WDR19: variants seen among roughly 807,000 people sequenced by gnomAD.
WDR19 encodes WD repeat-containing protein 19.
In WDR19, 121 loss-of-function variants were observed where a neutral mutation model predicts 180.0. That is an observed-to-expected ratio of 0.67 (90% confidence interval 0.58 to 0.78). The LOEUF (loss-of-function observed/expected upper bound fraction) is 0.78, where lower values mean the gene tolerates loss of function less well. Among genes scored for constraint, WDR19 ranks in the 30% least tolerant of loss-of-function variants. The pLI is 0.00. For synonymous variants in WDR19, 497 were observed against 540.7 expected, an observed-to-expected ratio of 0.92 and a Z score of 1.12; for missense variants, 1,450 against 1,640.7, an observed-to-expected ratio of 0.88 and a Z score of 2.01.
At chr4:39,247,787 G>A (rs1190782583) in intron 24 of WDR19, among the ~76,000 whole-genome samples, 1 of 152,196 alleles carries the variant, frequency 6.6e-6, no homozygotes, top group African/African-American at 2.4e-5. Context: ...AATGAAGTGT[G>A]AAGAGAAGTT....
chr4:39,201,247 C>T (rs1196048597), intron 6 of WDR19, among the ~76,000 whole-genome samples: 1 of 152,098 alleles, frequency 6.6e-6, no homozygotes, highest in African/African-American at 2.4e-5. Flanking sequence ...ACCAGGATCA[C>T]ATCTGCATTT....
intron 28 of WDR19, among the ~76,000 whole-genome samples, chr4:39,261,934 C>T (rs1258269477): frequency 9.1e-5 from 1 of 10,952 alleles, no homozygotes; most frequent in African/African-American, 1.3e-4. Context: ...AATTTTACTA[C>T]TGGATTTTTT....
intron 28 of WDR19, among the ~76,000 whole-genome samples, chr4:39,257,979 C>G (rs966105880): frequency 6.6e-6 from 1 of 151,606 alleles, no homozygotes; most frequent in Non-Finnish European, 1.5e-5. Flanking sequence ...TGTCACCCCC[C>G]AGTCAATATC....
chr4:39,246,137 G>T (rs892163595), intron 24 of WDR19, among the ~76,000 whole-genome samples: 16 of 152,182 alleles, frequency 1.1e-4, no homozygotes, highest in African/African-American at 3.6e-4. Flanking sequence ...AAGGCAACTT[G>T]TCATATTTGG....
At chr4:39,238,713 G>T (rs1347840330) in intron 20 of WDR19, among the ~76,000 whole-genome samples, 1 of 152,172 alleles carries the variant, frequency 6.6e-6, no homozygotes, top group Admixed American at 6.5e-5. Flanking sequence ...ATTAATAGAT[G>T]AGGAAAGTGA....
rs778896318 is a variant in WDR19, at chr4:39,189,691, A to G, written c.200A>G (p.Asp67Gly). Residue 67 changes from aspartate to glycine, a missense_variant, in exon 4 of 37, where the codon GAT (aspartate) becomes GGT (glycine). Transcript: ENST00000399820. Reference sequence around the variant, plus strand: ...GCCATGGATTGGGATAAAGATGGAGATGTCCTAGCAGTGATTGCTGAGAAA... The same window carrying G: ...GCCATGGATTGGGATAAAGATGGAGGTGTCCTAGCAGTGATTGCTGAGAAA... ...CVAMDWDKDGDVLAVIAEKSS... is the reference protein window; with the variant it reads ...CVAMDWDKDGGVLAVIAEKSS... The G allele has an allele frequency of 1.3e-5, 21 of 1,608,320 alleles. No homozygotes were observed. The highest frequency in any genetic ancestry group is 1.8e-5 in the Non-Finnish European group (21 of 1,177,948).
chr4:39,266,217 C>A, intron 29 of WDR19, 77 bp downstream of exon 29: 2 of 1,316,150 alleles, frequency 1.5e-6, no homozygotes, highest in African/African-American at 1.5e-5. Flanking sequence ...ACCCATCATG[C>A]TTTTACAACA....
At position 39,245,533 on chromosome 4, in the gene WDR19, A is replaced by G. The variant is rs552241656; in HGVS notation, c.2729+81A>G. 265 of 1,398,830 alleles carry G rather than the reference A, an allele frequency of 1.9e-4. 3 individuals carry two copies. In the South Asian group the frequency reaches 3.1e-3, roughly 16 times the overall value. 86.7% of individuals were successfully genotyped at this position (1,398,830 alleles called of 1,614,324 possible). A position where few individuals can be genotyped will look rare whatever the true frequency, so the allele number is the denominator to read the frequency against. ...TAACCATTGATATTTGCAACCCTGTAAGAAAGGCAAACCAGAGAAAGACAG... is the reference window on the plus strand; with the variant it reads ...TAACCATTGATATTTGCAACCCTGTGAGAAAGGCAAACCAGAGAAAGACAG... On this transcript the variant is annotated intron_variant, in intron 24 of 36. Transcript: ENST00000399820.
chr4:39,190,362 A>C (rs1438111485), intron 4 of WDR19, among the ~76,000 whole-genome samples: 1 of 152,190 alleles, frequency 6.6e-6, no homozygotes, highest in Non-Finnish European at 1.5e-5. Context: ...AATGGAAAAA[A>C]ATCTTGGGCA....
intron 36 of WDR19, among the ~76,000 whole-genome samples, chr4:39,284,411 T>C (rs904444450): frequency 6.7e-6 from 1 of 149,976 alleles, no homozygotes; most frequent in African/African-American, 2.4e-5. Context: ...CAATCATCGT[T>C]CACTGCAGCC....
chr4:39,243,887 A>G (rs1259151931), intron 21 of WDR19, among the ~76,000 whole-genome samples: 1 of 152,226 alleles, frequency 6.6e-6, no homozygotes, highest in Non-Finnish European at 1.5e-5. Flanking sequence ...CTCATAGAGC[A>G]ATCTTCAATT....
chr4:39,261,272 G>A lies in WDR19; in HGVS notation c.3183+3718G>A, dbSNP rs185544016. On this transcript the variant is annotated intron_variant, in intron 28 of 36. Transcript: ENST00000399820. Reference sequence around the variant, plus strand: ...CTCCCAAAGTGTTGGGATTACAGGCGTGAGCCACCGCGCCCGGCCTGGTCT... The same window carrying A: ...CTCCCAAAGTGTTGGGATTACAGGCATGAGCCACCGCGCCCGGCCTGGTCT... 8.5e-3 allele frequency among the ~76,000 whole-genome samples: 1,296 copies of A among 152,028 alleles called. 24 individuals are homozygous for A. Among genetic ancestry groups the A allele is most frequent in the African/African-American group, 0.029 (1,222 of 41,456 alleles).
rs1337501398 is a variant in WDR19 at position 39,200,849 on chromosome 4, A to G, written c.522+1256A>G. Among the ~76,000 whole-genome samples, 7 of 152,228 alleles carry G rather than the reference A, an allele frequency of 4.6e-5. No homozygotes were observed. In the South Asian group the frequency reaches 1.2e-3, roughly 27 times the overall value. ...CGTAGGGCCCCACTCTTAAGAAGAC[A>G]TTAGTAATATTATAAAACACACATG... On this transcript the variant is annotated intron_variant, in intron 6 of 36. Coordinates refer to ENST00000399820, the MANE Select transcript of WDR19 (RefSeq NM_025132.4).
chr4:39,199,907 C>T (rs1323341835), intron 6 of WDR19, among the ~76,000 whole-genome samples: 1 of 152,132 alleles, frequency 6.6e-6, no homozygotes, highest in Non-Finnish European at 1.5e-5. Flanking sequence ...ATTTATAATA[C>T]AAATGTTAAT....
chr4:39,206,191 G>C (rs1727934572), intron 9 of WDR19: 1 of 152,586 alleles, frequency 6.6e-6, no homozygotes, highest in Non-Finnish European at 1.5e-5. Context: ...AGCACAGAGA[G>C]AGCTTTAAGG....
intron 36 of WDR19, among the ~76,000 whole-genome samples, chr4:39,279,703 T>A (rs1363969914): frequency 1.6e-4 from 1 of 6,128 alleles, no homozygotes; most frequent in Non-Finnish European, 9.8e-4. Flanking sequence ...TGCCTTACTT[T>A]TTTTTTTTTT....
rs186987859 is a variant in WDR19 at position 39,242,198 on chromosome 4, G to T, written c.2421+1864G>T. On this transcript the variant is annotated intron_variant, in intron 21 of 36. Coordinates refer to ENST00000399820, the MANE Select transcript of WDR19 (RefSeq NM_025132.4). ...TCCTGCTCCAGCCTCCTTATTAGCT[G>T]GGACTACTGGTACATGCTACCACAC... Among the ~76,000 whole-genome samples, 541 of 151,814 alleles carry T rather than the reference G, an allele frequency of 3.6e-3. 4 individuals are homozygous for T. Among genetic ancestry groups the T allele is most frequent in the Middle Eastern group, 6.8e-3 (2 of 294 alleles).
intron 26 of WDR19, among the ~76,000 whole-genome samples, chr4:39,255,442 A>C (rs558730282): frequency 6.6e-6 from 1 of 152,128 alleles, no homozygotes; most frequent in Non-Finnish European, 1.5e-5. Context: ...TTCTTCCTCT[A>C]TGCTTAATAT....
At chr4:39,281,717 C>T (rs577759247) in intron 36 of WDR19, among the ~76,000 whole-genome samples, 1 of 152,294 alleles carries the variant, frequency 6.6e-6, no homozygotes, top group African/African-American at 2.4e-5. Context: ...TATTATCTCA[C>T]AATTTCTATG....
Sources: gnomAD v4.1 joint callset for allele counts (sites outside exome capture counted in the v4.1 genomes callset) on GRCh38, gnomAD v4.1.1 for gene constraint, MANE v1.5 for transcripts, NCBI Gene and HGNC (gene_info 2026-07-23, HGNC 2026-07-21) for gene names.